Variants in IL1R1 observed in about 807,000 individuals in gnomAD.
IL1R1 encodes interleukin 1 receptor type 1, also known as interleukin-1 receptor type 1.
In IL1R1, 22 loss-of-function variants were observed where a neutral mutation model predicts 50.2. The ratio of observed to expected loss-of-function variants is 0.44; its 90% CI spans 0.31 to 0.63. The LOEUF (loss-of-function observed/expected upper bound fraction) is 0.63. IL1R1 is among the 20% of genes least tolerant of loss of function. The pLI is 0.07. For missense variants in IL1R1, 509 were observed against 676.2 expected (o/e 0.75, Z 2.74); for synonymous variants, 251 against 236.7 (o/e 1.06, Z -0.55).
intron 7 of IL1R1, among the ~76,000 whole-genome samples, chr2:102,169,272 A>T (rs1685467097): frequency 1.3e-5 from 2 of 152,190 alleles, no homozygotes; most frequent in African/African-American, 2.4e-5. Flanking sequence ...AACATTTTTT[A>T]TTCAAGAGTA....
In IL1R1 at chr2:102,176,381, A is replaced by T. The variant is rs3917319; in HGVS notation, c.1332A>T (p.Val444=). The change falls in exon 12 of 12, where the codon GTA becomes GTT. Residue 444 remains valine, a synonymous_variant. Coordinates refer to ENST00000410023, the MANE Select transcript of IL1R1 (RefSeq NM_000877.4). ...EDIVEVINEN[V]KKSRRLIIIL... is the part of the protein sequence containing the mutation. Reference sequence around the variant, plus strand: ...TTGTTGAGGTCATTAATGAAAACGTAAAGAAAAGCAGAAGACTGATTATCA... The same window carrying T: ...TTGTTGAGGTCATTAATGAAAACGTTAAGAAAAGCAGAAGACTGATTATCA... The T allele has an allele frequency of 9.9e-5, 160 of 1,614,002 alleles. 1 individual carries two copies. The African/African-American group carries it at 1.9e-3, about 19-fold the overall frequency.
At chr2:102,085,181 T>C (rs974586689) in intron 1 of IL1R1, among the ~76,000 whole-genome samples, 6 of 152,212 alleles carry the variant, frequency 3.9e-5, no homozygotes, top group Non-Finnish European at 7.3e-5. Flanking sequence ...ACTCTGTGGA[T>C]TGCATTTCAT....
At chr2:102,124,862 G>T (rs551273915) in intron 1 of IL1R1, among the ~76,000 whole-genome samples, 18 of 152,086 alleles carry the variant, frequency 1.2e-4, no homozygotes, top group Non-Finnish European at 8.8e-5. Context: ...GTTGCAGTGA[G>T]CTGAGATTGT....
intron 1 of IL1R1, among the ~76,000 whole-genome samples, chr2:102,130,372 A>C (rs957071151): frequency 6.6e-6 from 1 of 152,156 alleles, no homozygotes; most frequent in Admixed American, 6.5e-5. Flanking sequence ...CACAATTGCT[A>C]ATGATTCTTC....
intron 1 of IL1R1, among the ~76,000 whole-genome samples, chr2:102,149,366 T>C (rs1377381290): frequency 6.6e-6 from 1 of 152,208 alleles, no homozygotes; most frequent in Non-Finnish European, 1.5e-5. Flanking sequence ...AATCTCAGAT[T>C]TGGGGCTTGG....
At chr2:102,157,918 C>T (rs1361724335) in intron 3 of IL1R1, 133 bp downstream of exon 3, 4 of 655,876 alleles carry the variant, frequency 6.1e-6, no homozygotes, top group Non-Finnish European at 1.1e-5. Context: ...GCCTCCTGGT[C>T]ATAGACCTGT....
At chr2:102,093,014 G>C (rs1172426962) in intron 1 of IL1R1, among the ~76,000 whole-genome samples, 1 of 152,192 alleles carries the variant, frequency 6.6e-6, no homozygotes, top group African/African-American at 2.4e-5. Flanking sequence ...ACTTGAAGGT[G>C]CTGATTAGCA....
At chr2:102,121,708 C>G (rs767511026) in intron 1 of IL1R1, among the ~76,000 whole-genome samples, 1 of 152,266 alleles carries the variant, frequency 6.6e-6, no homozygotes, top group East Asian at 1.9e-4. Context: ...CTCAACAAAG[C>G]CTAGCACATT....
intron 1 of IL1R1, among the ~76,000 whole-genome samples, chr2:102,112,061 G>A (rs1680796005): frequency 6.6e-6 from 1 of 151,936 alleles, no homozygotes; most frequent in Non-Finnish European, 1.5e-5. Context: ...CGTCTTTCAT[G>A]CTGGCCACCC....
chr2:102,129,089 T>C (rs1251943537), intron 1 of IL1R1, among the ~76,000 whole-genome samples: 4 of 152,076 alleles, frequency 2.6e-5, no homozygotes, highest in African/African-American at 9.7e-5. Flanking sequence ...TCCAGGCCTG[T>C]AGTCCCAGCT....
chr2:102,145,301 T>C lies in IL1R1; in HGVS notation c.-84+2281T>C, dbSNP rs1475526846. Among the ~76,000 whole-genome samples, 4 of 152,108 alleles carry C rather than the reference T, an allele frequency of 2.6e-5. No individual in the cohort carries two copies. In the East Asian group the frequency reaches 7.7e-4, roughly 29 times the overall value. On this transcript the variant is annotated intron_variant, in intron 1 of 11. Transcript: ENST00000410023. The stretch of plus-strand genomic sequence containing the variant: ...GTGGGCTGGTGGCACAAGACAAGGA[T>C]CTGCACTGTCAGCAGCCTTTTTCTC...
chr2:102,096,891 T>C (rs1679927864), intron 1 of IL1R1, among the ~76,000 whole-genome samples: 1 of 131,912 alleles, frequency 7.6e-6, no homozygotes, highest in Admixed American at 7.6e-5. Flanking sequence ...TTTTTTTTTT[T>C]CTGCATGGGA....
At chr2:102,105,552 G>A (rs1404604488) in intron 1 of IL1R1, among the ~76,000 whole-genome samples, 2 of 152,132 alleles carry the variant, frequency 1.3e-5, no homozygotes. Context: ...TTTTAGTAGA[G>A]ATGGGTTTTC....
intron 1 of IL1R1, among the ~76,000 whole-genome samples, chr2:102,129,287 A>ACAG (rs1486101921): frequency 6.6e-6 from 1 of 151,898 alleles, no homozygotes; most frequent in Non-Finnish European, 1.5e-5. Flanking sequence ...AACAACAACA[A>ACAG]CAACAACAAA....
chr2:102,174,921 G>A (rs3171845), intron 10 of IL1R1, among the ~76,000 whole-genome samples, 191 bp downstream of exon 10: 14,739 of 152,080 alleles, frequency 0.097, 898 homozygotes, highest in African/African-American at 0.16. Flanking sequence ...TGTTTTCTAA[G>A]TTCCTGCCTC....
intron 1 of IL1R1, among the ~76,000 whole-genome samples, chr2:102,118,302 A>G (rs1347513090): frequency 6.6e-6 from 1 of 152,154 alleles, no homozygotes; most frequent in East Asian, 1.9e-4. Context: ...GCCCACCCGG[A>G]GAGGGCAAGG....
At chr2:102,168,903 A>T (rs981583554) in intron 7 of IL1R1, among the ~76,000 whole-genome samples, 3 of 151,950 alleles carry the variant, frequency 2.0e-5, no homozygotes, top group African/African-American at 7.3e-5. Context: ...TACCATGAAA[A>T]CACCAACCAG....
intron 8 of IL1R1, chr2:102,172,144 C>G (rs1246012270): frequency 2.5e-6 from 1 of 398,234 alleles, no homozygotes; most frequent in Admixed American, 7.2e-5. Context: ...CACTTAGAAG[C>G]CTTTCTCTTA....
intron 1 of IL1R1, among the ~76,000 whole-genome samples, chr2:102,093,948 C>A (rs1212986759): frequency 1.3e-5 from 2 of 152,342 alleles, no homozygotes; most frequent in East Asian, 1.9e-4. Context: ...GGTTCCAGAA[C>A]CTGCCTCCGT....
Sources: allele counts gnomAD v4.1 joint callset (sites outside exome capture counted in the v4.1 genomes callset), GRCh38; gene constraint gnomAD v4.1.1; transcripts MANE v1.5; gene names NCBI Gene and HGNC (gene_info 2026-07-23, HGNC 2026-07-21).